TCEA3: variants seen among roughly 807,000 people sequenced by gnomAD.
The protein encoded by TCEA3 is transcription elongation factor A protein 3.
TCEA3 carries 36 observed loss-of-function variants against 44.0 expected under a neutral mutation model. The observed-to-expected ratio is 0.82, with a 90% confidence interval of 0.63 to 1.08. The LOEUF (loss-of-function observed/expected upper bound fraction) is 1.08, where lower values mean the gene tolerates loss of function less well. TCEA3 is among the 50% of genes least tolerant of loss of function. The pLI is 0.00. For synonymous variants in TCEA3, 162 were observed against 159.7 expected, an observed-to-expected ratio of 1.01 and a Z score of -0.11; for missense variants, 392 against 441.2, an observed-to-expected ratio of 0.89 and a Z score of 1.00.
chr1:23,407,051 G>A (rs1252062070), intron 5 of TCEA3, among the ~76,000 whole-genome samples: 1 of 152,136 alleles, frequency 6.6e-6, no homozygotes, highest in Non-Finnish European at 1.5e-5. Flanking sequence ...ATCGAGACCT[G>A]AACTCTGGAT....
At chr1:23,384,120 C>T in intron 10 of TCEA3, 1 of 1,358,104 alleles carries the variant, frequency 7.4e-7, no homozygotes, top group Non-Finnish European at 9.5e-7. Flanking sequence ...TGGGCTGCTG[C>T]CCCCACCCCA....
At chr1:23,387,782 G>C (rs1638894845) in intron 8 of TCEA3, among the ~76,000 whole-genome samples, 2 of 152,172 alleles carry the variant, frequency 1.3e-5, no homozygotes, top group Non-Finnish European at 2.9e-5. Flanking sequence ...CTGCCACCTG[G>C]TCTATGATGT....
At chr1:23,401,885 C>A (rs546477377) in intron 5 of TCEA3, among the ~76,000 whole-genome samples, 1 of 152,054 alleles carries the variant, frequency 6.6e-6, no homozygotes, top group Non-Finnish European at 1.5e-5. Context: ...ACGCTCCTTA[C>A]GAGAATCTAA....
Position 23,384,016 on chromosome 1 carries a change from C to G in TCEA3, c.1038+330G>C, listed in dbSNP as rs565407415. 2.6e-6 allele frequency: 3 copies of G among 1,172,930 alleles called. No homozygotes were observed. The African/African-American group carries it at 4.7e-5, about 19-fold the overall frequency. The allele number at this position is 1,172,930 out of a possible 1,614,324, so 72.7% of individuals were successfully genotyped here. A position where few individuals can be genotyped will look rare whatever the true frequency, so the allele number is the denominator to read the frequency against. On this transcript the variant is annotated intron_variant, in intron 10 of 10. Coordinates refer to ENST00000450454, the MANE Select transcript of TCEA3 (RefSeq NM_003196.3). ...AAGCACTTTCCAAAGAGGCGTGGTC[C>G]AAGTGCAGAATGTTTTTCCTCTCCT...
At chr1:23,391,399 G>A (rs1279325294) in intron 8 of TCEA3, among the ~76,000 whole-genome samples, 1 of 151,776 alleles carries the variant, frequency 6.6e-6, no homozygotes, top group Non-Finnish European at 1.5e-5. Context: ...CACGTGGCCT[G>A]TTGAAATCCT....
At chr1:23,399,144 G>GTGTATATATATA (rs751608613) in intron 5 of TCEA3, among the ~76,000 whole-genome samples, 66 of 61,122 alleles carry the variant, frequency 1.1e-3, no homozygotes, top group African/African-American at 3.4e-3. Context: ...ATGTATATAT[G>GTGTATATATATA]TATATATATA....
intron 4 of TCEA3, among the ~76,000 whole-genome samples, chr1:23,413,680 C>T (rs866143702): frequency 3.3e-5 from 5 of 150,924 alleles, no homozygotes; most frequent in South Asian, 2.1e-4. Flanking sequence ...GTGATCTGCC[C>T]GCCTTGGCCT....
At chr1:23,419,288 A>G in intron 1 of TCEA3, 149 bp from the exon 2 acceptor site, 1 of 551,694 alleles carries the variant, frequency 1.8e-6, no homozygotes, top group Middle Eastern at 2.7e-4. Flanking sequence ...GAGAGACGAG[A>G]AACAATCTGT....
At position 23,419,065 on chromosome 1, in the gene TCEA3, C is replaced by T. The variant is rs752938804; in HGVS notation, c.132+12G>A. On this transcript the variant is annotated intron_variant, in intron 2 of 10. Transcript: ENST00000450454. ...CCAGGCACTGTCCCAAGGCTTCCCA[C>T]CCCCGCCCCACCTGTAGTAGCTGGA... 13 of 1,406,280 alleles carry T rather than the reference C, an allele frequency of 9.2e-6. No homozygotes were observed. In the East Asian group the frequency reaches 1.4e-4, roughly 15 times the overall value. The allele number at this position is 1,406,280 out of a possible 1,614,324, so 87.1% of individuals were successfully genotyped here.
intron 5 of TCEA3, among the ~76,000 whole-genome samples, chr1:23,400,787 A>T (rs563413712): frequency 2.2e-4 from 34 of 152,198 alleles, no homozygotes; most frequent in African/African-American, 6.5e-4. Flanking sequence ...GCGCCCAGAG[A>T]GCTGCTGCAT....
chr1:23,390,970 A>C (rs1212309107), intron 8 of TCEA3, among the ~76,000 whole-genome samples: 1 of 152,012 alleles, frequency 6.6e-6, no homozygotes, highest in Admixed American at 6.6e-5. Flanking sequence ...AAAGAGAAGA[A>C]GAAAGAATGA....
intron 8 of TCEA3, among the ~76,000 whole-genome samples, chr1:23,389,260 G>C (rs2148547189): frequency 6.6e-6 from 1 of 152,272 alleles, no homozygotes; most frequent in South Asian, 2.1e-4. Flanking sequence ...GGCTGGGACA[G>C]GTGGATCACC....
chr1:23,392,517 A>G (rs1570239456), intron 8 of TCEA3, among the ~76,000 whole-genome samples: 17 of 55,668 alleles, frequency 3.1e-4, no homozygotes, highest in Admixed American at 1.5e-3. Flanking sequence ...CATACATCAT[A>G]CACACATATT....
chr1:23,403,850 C>A, intron 5 of TCEA3: 1 of 502,684 alleles, frequency 2.0e-6, no homozygotes, highest in Non-Finnish European at 3.6e-6. Context: ...AGCCCTGGTC[C>A]CGCCTCCCCG....
Position 23,417,934 on chromosome 1 carries a change from C to T in TCEA3, c.208G>A (p.Val70Ile), listed in dbSNP as rs1639940303. Residue 70 changes from valine (V) to isoleucine (I), a missense_variant, in exon 3 of 11, where the codon GTC becomes ATC. Transcript: ENST00000450454. ...AGCCGCTTCCAGTTTTTGATAAGGACTTTGGCCAAGGACACCACCTCCTTG... is the reference window on the plus strand; with the variant it reads ...AGCCGCTTCCAGTTTTTGATAAGGATTTTGGCCAAGGACACCACCTCCTTG... ...SDKEVVSLAKVLIKNWKRLLD... is the reference protein window; with the variant it reads ...SDKEVVSLAKILIKNWKRLLD... 1.2e-6 allele frequency: 2 copies of T among 1,614,060 alleles called. No individual in the cohort carries two copies. The highest frequency in any genetic ancestry group is 2.2e-5 in the East Asian group (1 of 44,888).
chr1:23,395,903 T>C (rs956606173), intron 7 of TCEA3, among the ~76,000 whole-genome samples: 1 of 151,738 alleles, frequency 6.6e-6, no homozygotes, highest in Non-Finnish European at 1.5e-5. Flanking sequence ...GACCATCTGC[T>C]GTTGTTTCAA....
chr1:23,420,508 T>C lies in TCEA3; in HGVS notation c.70-1369A>G, dbSNP rs539935848. Among the ~76,000 whole-genome samples the C allele has an allele frequency of 1.4e-3, 209 of 152,314 alleles. 2 individuals carry two copies. Among genetic ancestry groups the C allele is most frequent in the Non-Finnish European group, 5.6e-4 (38 of 68,024 alleles). ...ATCCTCCTGCCTCGGCCTCCCAAAG[T>C]GCTGGGATTACAGGCGTGAGCCACC... On this transcript the variant is annotated intron_variant, in intron 1 of 10. Coordinates refer to ENST00000450454, the MANE Select transcript of TCEA3 (RefSeq NM_003196.3).
chr1:23,410,726 G>A (rs950227505), intron 4 of TCEA3: 1 of 152,072 alleles, frequency 6.6e-6, no homozygotes, highest in Non-Finnish European at 1.5e-5. Flanking sequence ...ACTTGAACCT[G>A]GGAGATGGTG....
intron 4 of TCEA3, among the ~76,000 whole-genome samples, chr1:23,412,362 T>C (rs1639741376): frequency 6.8e-6 from 1 of 147,400 alleles, no homozygotes; most frequent in Non-Finnish European, 1.5e-5. Flanking sequence ...ATTGCGCCAC[T>C]GCACTCCAGC....
Sources: gnomAD v4.1 joint callset for allele counts (sites outside exome capture counted in the v4.1 genomes callset) on GRCh38, gnomAD v4.1.1 for gene constraint, MANE v1.5 for transcripts, NCBI Gene and HGNC (gene_info 2026-07-23, HGNC 2026-07-21) for gene names.